Variants in PDZRN4 observed in about 807,000 individuals in gnomAD.
PDZRN4 encodes PDZ domain-containing RING finger protein 4.
In PDZRN4, 70 loss-of-function variants were observed where a neutral mutation model predicts 99.0. The ratio of observed to expected loss-of-function variants is 0.71; its 90% confidence interval spans 0.58 to 0.86. The LOEUF (loss-of-function observed/expected upper bound fraction) is 0.86. PDZRN4 is among the 40% of genes least tolerant of loss of function. The pLI, the probability that PDZRN4 is intolerant of heterozygous loss-of-function variation, is 0.00. For missense variants in PDZRN4, 1,474 were observed against 1,331.2 expected (o/e 1.11, Z -1.67); for synonymous variants, 551 against 501.6 (o/e 1.10, Z -1.32).
chr12:41,473,687 A>G (rs904817194), intron 3 of PDZRN4, among the ~76,000 whole-genome samples: 16 of 152,176 alleles, frequency 1.1e-4, no homozygotes, highest in African/African-American at 3.9e-4. Context: ...TGACCTGCTT[A>G]CTAAGCACCT....
At chr12:41,422,604 T>A (rs1592053776) in intron 3 of PDZRN4, among the ~76,000 whole-genome samples, 1 of 149,964 alleles carries the variant, frequency 6.7e-6, no homozygotes. Flanking sequence ...AGAGAGAGAG[T>A]GGATGAGGGG....
chr12:41,270,508 T>A (rs1410039371), intron 3 of PDZRN4, among the ~76,000 whole-genome samples: 1 of 152,140 alleles, frequency 6.6e-6, no homozygotes, highest in African/African-American at 2.4e-5. Context: ...AAGGCTTATT[T>A]CTTTAAAAAA....
chr12:41,213,987 A>G (rs59820351), intron 3 of PDZRN4, among the ~76,000 whole-genome samples: 4,803 of 152,080 alleles, frequency 0.032, 255 homozygotes, highest in African/African-American at 0.11. Flanking sequence ...AAAAAATTTA[A>G]AGCAATGCGT....
intron 5 of PDZRN4, among the ~76,000 whole-genome samples, chr12:41,527,072 A>T (rs943803725): frequency 3.9e-5 from 6 of 152,246 alleles, no homozygotes; most frequent in South Asian, 2.1e-4. Flanking sequence ...CTACCGTGAG[A>T]CATTCACAAT....
chr12:41,296,232 A>G (rs1218205567), intron 3 of PDZRN4, among the ~76,000 whole-genome samples: 1 of 152,204 alleles, frequency 6.6e-6, no homozygotes, highest in Non-Finnish European at 1.5e-5. Context: ...GATTTCATTA[A>G]AGAACTGTAA....
In PDZRN4 at chr12:41,374,557, G is replaced by C. The variant is rs530112076; in HGVS notation, c.844-131899G>C. ...GAGAAGAGCTTATTCTAAGCTAAAAGGATAGCAGTAGGTCTATAGAAAAGT... is the reference window on the plus strand; with the variant it reads ...GAGAAGAGCTTATTCTAAGCTAAAACGATAGCAGTAGGTCTATAGAAAAGT... On this transcript the variant is annotated intron_variant, in intron 3 of 9. Coordinates refer to ENST00000402685, the MANE Select transcript of PDZRN4 (RefSeq NM_001164595.2). 2.6e-5 allele frequency among the ~76,000 whole-genome samples: 4 copies of C among 152,248 alleles called. No individual in the cohort carries two copies. The South Asian group carries it at 8.3e-4, about 32-fold the overall frequency.
At chr12:41,233,081 A>C (rs2120761093) in intron 3 of PDZRN4, among the ~76,000 whole-genome samples, 1 of 152,230 alleles carries the variant, frequency 6.6e-6, no homozygotes, top group East Asian at 1.9e-4. Context: ...GCCTTGTAGT[A>C]TAGTTTGAAA....
intron 3 of PDZRN4, among the ~76,000 whole-genome samples, chr12:41,271,986 A>T (rs1292943930): frequency 6.6e-6 from 1 of 152,048 alleles, no homozygotes; most frequent in Non-Finnish European, 1.5e-5. Flanking sequence ...TTGCAACATC[A>T]TTTCTATGTT....
intron 3 of PDZRN4, among the ~76,000 whole-genome samples, chr12:41,385,558 C>G (rs1019644284): frequency 6.6e-6 from 1 of 152,098 alleles, no homozygotes; most frequent in African/African-American, 2.4e-5. Context: ...TGCATATAAA[C>G]TAGAAAATAT....
intron 3 of PDZRN4, among the ~76,000 whole-genome samples, chr12:41,485,750 C>T (rs1937762759): frequency 6.6e-6 from 1 of 152,058 alleles, no homozygotes; most frequent in African/African-American, 2.4e-5. Context: ...TGATTAAAAT[C>T]CAGAAATCAT....
chr12:41,294,688 A>G (rs1322367094), intron 3 of PDZRN4, among the ~76,000 whole-genome samples: 1 of 152,178 alleles, frequency 6.6e-6, no homozygotes, highest in Non-Finnish European at 1.5e-5. Flanking sequence ...ACATTTCATC[A>G]TGAAAATACT....
intron 9 of PDZRN4, among the ~76,000 whole-genome samples, chr12:41,569,209 T>C (rs910638934): frequency 6.6e-6 from 1 of 151,858 alleles, no homozygotes; most frequent in Non-Finnish European, 1.5e-5. Context: ...AACCTCTGCC[T>C]CCTGGGCTCA....
intron 3 of PDZRN4, among the ~76,000 whole-genome samples, chr12:41,222,385 A>C (rs531670071): frequency 6.6e-6 from 1 of 152,150 alleles, no homozygotes; most frequent in African/African-American, 2.4e-5. Flanking sequence ...TGATGTACAG[A>C]TTGAGAGGAA....
chr12:41,314,581 C>A (rs1364641518), intron 3 of PDZRN4, among the ~76,000 whole-genome samples: 1 of 152,024 alleles, frequency 6.6e-6, no homozygotes, highest in Non-Finnish European at 1.5e-5. Context: ...AGAAATATTC[C>A]AAAAGGAAGA....
intron 3 of PDZRN4, among the ~76,000 whole-genome samples, chr12:41,245,148 G>C (rs891564376): frequency 6.6e-6 from 1 of 152,032 alleles, no homozygotes; most frequent in African/African-American, 2.4e-5. Flanking sequence ...GTATTTCATA[G>C]CATTCTCATC....
chr12:41,523,790 A>G (rs903365688), intron 5 of PDZRN4, among the ~76,000 whole-genome samples: 27 of 152,150 alleles, frequency 1.8e-4, no homozygotes, highest in Non-Finnish European at 2.9e-5. Context: ...CCACCCACAC[A>G]AAGATCAAAA....
intron 8 of PDZRN4, among the ~76,000 whole-genome samples, chr12:41,564,478 G>T (rs537169598): frequency 1.3e-5 from 2 of 152,170 alleles, no homozygotes; most frequent in Non-Finnish European, 2.9e-5. Flanking sequence ...TAGTTATATC[G>T]CCATTTGTCT....
intron 3 of PDZRN4, among the ~76,000 whole-genome samples, chr12:41,334,203 C>G (rs546488754): frequency 1.3e-5 from 2 of 152,202 alleles, no homozygotes; most frequent in South Asian, 4.1e-4. Context: ...TCACACCAGT[C>G]TGAGTCCCTC....
intron 3 of PDZRN4, among the ~76,000 whole-genome samples, chr12:41,432,550 T>C (rs1021396444): frequency 4.6e-5 from 7 of 152,234 alleles, no homozygotes; most frequent in African/African-American, 1.4e-4. Flanking sequence ...ATGTGAAAGG[T>C]ACAATTCTAT....
Sources: allele counts gnomAD v4.1 joint callset (sites outside exome capture counted in the v4.1 genomes callset), GRCh38; gene constraint gnomAD v4.1.1; transcripts MANE v1.5; gene names NCBI Gene and HGNC (gene_info 2026-07-23, HGNC 2026-07-21).